Variants in DLGAP2 observed in about 807,000 individuals in gnomAD.
DLGAP2 encodes DLG associated protein 2, also known as disks large-associated protein 2.
A neutral mutation model predicts 100.3 loss-of-function variants in DLGAP2; 26 were observed. The observed-to-expected ratio is 0.26, with a 90% confidence interval of 0.19 to 0.36. The LOEUF (loss-of-function observed/expected upper bound fraction) is 0.36, where lower values mean the gene tolerates loss of function less well. Among genes scored for constraint, DLGAP2 ranks in the 10% least tolerant of loss-of-function variants. The probability of loss-of-function intolerance (pLI) is 1.00; values close to 1 mark genes in which losing one functional copy is unlikely to be tolerated. For synonymous variants in DLGAP2, 886 were observed against 630.1 expected (o/e 1.41, Z -6.08); for missense variants, 1,858 against 1,453.2 (o/e 1.28, Z -4.53).
At chr8:997,641 C>T (rs10092583) in intron 2 of DLGAP2, among the ~76,000 whole-genome samples, 2,795 of 152,164 alleles carry the variant, frequency 0.018, 39 homozygotes, top group Middle Eastern at 0.041. Flanking sequence ...GGAACTCATT[C>T]CTATGCTTCA....
At chr8:1,043,231 G>GGCTGGCA (rs1802418172) in intron 2 of DLGAP2, among the ~76,000 whole-genome samples, 1 of 132,328 alleles carries the variant, frequency 7.6e-6, no homozygotes. Flanking sequence ...TGGTGGATGT[G>GGCTGGCA]GGTGGTGGGT....
intron 2 of DLGAP2, among the ~76,000 whole-genome samples, chr8:1,171,742 C>G (rs1007819387): frequency 1.1e-4 from 17 of 151,650 alleles, no homozygotes; most frequent in African/African-American, 3.9e-4. Flanking sequence ...CTTGGTAGAT[C>G]TTCCTCCATC....
In DLGAP2 at chr8:1,701,989, C is replaced by T. The variant is rs1301076958; in HGVS notation, c.*583C>T. On this transcript the variant is annotated 3_prime_UTR_variant, in exon 15 of 15. Coordinates refer to ENST00000637795, the MANE Select transcript of DLGAP2 (RefSeq NM_001346810.2). ...AAAACACGAGGCTCCTTGTGTCAAG[C>T]TTCCTGTGATGGAAAGCGACCTCTC... 1 of 152,224 alleles carries T rather than the reference C, an allele frequency of 6.6e-6. No individual in the cohort carries two copies. Among genetic ancestry groups the T allele is most frequent in the African/African-American group, 2.4e-5 (1 of 41,434 alleles). The allele number at this position is 152,224 out of a possible 1,614,324, so 9.4% of individuals were successfully genotyped here.
chr8:1,522,338 A>T (rs113877491), intron 4 of DLGAP2, among the ~76,000 whole-genome samples: 1,903 of 152,282 alleles, frequency 0.012, 45 homozygotes, highest in African/African-American at 0.043. Context: ...GTTTTGCTGA[A>T]AGCCGAAACA....
At chr8:1,330,099 C>T (rs552073116) in intron 3 of DLGAP2, among the ~76,000 whole-genome samples, 3 of 152,194 alleles carry the variant, frequency 2.0e-5, no homozygotes, top group African/African-American at 7.2e-5. Context: ...GTCGAGGTTT[C>T]TTTGTATCTT....
chr8:1,506,621 G>A lies in DLGAP2; in HGVS notation c.172+5190G>A, dbSNP rs143525128. 1.4e-3 allele frequency among the ~76,000 whole-genome samples: 207 copies of A among 152,286 alleles called. 1 individual carries two copies. The East Asian group carries it at 0.025, about 18-fold the overall frequency. On this transcript the variant is annotated intron_variant, in intron 4 of 14. Transcript: ENST00000637795. ...ACGATCTCAGCAGGTTGCCAGTGCC[G>A]GCTCAGGCAGACTGCTTTTATTCCC...
chr8:1,138,238 T>C (rs894099596), intron 2 of DLGAP2, among the ~76,000 whole-genome samples: 3 of 152,332 alleles, frequency 2.0e-5, no homozygotes, highest in Middle Eastern at 6.8e-3. Context: ...CTGAGTCCCC[T>C]GTTGGTTCTC....
At chr8:1,189,317 C>G (rs1797585819) in intron 2 of DLGAP2, among the ~76,000 whole-genome samples, 5 of 152,224 alleles carry the variant, frequency 3.3e-5, no homozygotes, top group Admixed American at 3.3e-4. Context: ...GCGGGAGACC[C>G]AGGAGCCCAT....
intron 8 of DLGAP2, among the ~76,000 whole-genome samples, chr8:1,665,711 C>A (rs1001700501): frequency 6.6e-6 from 1 of 152,242 alleles, no homozygotes; most frequent in Admixed American, 6.5e-5. Flanking sequence ...AGCCCCCGTC[C>A]GCAGTCTCGC....
At chr8:1,692,441 G>C (rs912450525) in intron 13 of DLGAP2, among the ~76,000 whole-genome samples, 1 of 149,380 alleles carries the variant, frequency 6.7e-6, no homozygotes, top group South Asian at 2.2e-4. Flanking sequence ...TTTAAACGCG[G>C]TACCGAGGCA....
chr8:1,044,224 A>T (rs888315821), intron 2 of DLGAP2, among the ~76,000 whole-genome samples: 1 of 152,190 alleles, frequency 6.6e-6, no homozygotes, highest in South Asian at 2.1e-4. Context: ...AACCCAAAAT[A>T]CGGCAAGTTG....
At chr8:1,240,503 G>A (rs73670687) in intron 2 of DLGAP2, among the ~76,000 whole-genome samples, 12,970 of 148,386 alleles carry the variant, frequency 0.087, 1,179 homozygotes, top group African/African-American at 0.24. Flanking sequence ...ACATGGCGCC[G>A]TGTCTAGTTC....
intron 1 of DLGAP2, among the ~76,000 whole-genome samples, chr8:762,682 G>C (rs896044451): frequency 2.6e-5 from 4 of 152,004 alleles, no homozygotes; most frequent in Non-Finnish European, 5.9e-5. Context: ...TTGGTTGATT[G>C]ATTGAAGGAG....
chr8:867,079 G>A (rs1291450254), intron 1 of DLGAP2, among the ~76,000 whole-genome samples: 1 of 152,196 alleles, frequency 6.6e-6, no homozygotes. Context: ...TGTCTAACCC[G>A]GTACCACTGA....
At chr8:1,417,183 T>C (rs62484236) in intron 3 of DLGAP2, among the ~76,000 whole-genome samples, 6,274 of 87,422 alleles carry the variant, frequency 0.072, 435 homozygotes, top group African/African-American at 0.11. Flanking sequence ...GTTCATTTAG[T>C]GTCTGAGGCG....
At chr8:1,044,365 C>G (rs1332323228) in intron 2 of DLGAP2, among the ~76,000 whole-genome samples, 1 of 152,230 alleles carries the variant, frequency 6.6e-6, no homozygotes, top group African/African-American at 2.4e-5. Flanking sequence ...AAAGCCCTGT[C>G]CTGTACACAG....
intron 2 of DLGAP2, among the ~76,000 whole-genome samples, chr8:1,034,206 G>A (rs1228489881): frequency 8.3e-5 from 2 of 24,224 alleles, no homozygotes; most frequent in African/African-American, 2.6e-4. Flanking sequence ...GCCTCATCCC[G>A]ACCCTGCGTG....
At chr8:974,826 T>A (rs557881235) in intron 2 of DLGAP2, among the ~76,000 whole-genome samples, 45 of 152,284 alleles carry the variant, frequency 3.0e-4, no homozygotes, top group Non-Finnish European at 5.6e-4. Context: ...CATCTAAACT[T>A]CTTCTTTAAA....
chr8:1,432,156 T>TA (rs1473177712), intron 3 of DLGAP2, among the ~76,000 whole-genome samples: 1 of 151,578 alleles, frequency 6.6e-6, no homozygotes, highest in Admixed American at 6.6e-5. Context: ...CCACTTCACA[T>TA]ACTCATAAGG....
Sources: allele counts gnomAD v4.1 joint callset (sites outside exome capture counted in the v4.1 genomes callset), GRCh38; gene constraint gnomAD v4.1.1; transcripts MANE v1.5; gene names NCBI Gene and HGNC (gene_info 2026-07-23, HGNC 2026-07-21).